The following EML5 variants were observed in gnomAD, a reference collection of about 807,000 sequenced individuals.
The protein encoded by EML5 is EMAP like 5.
A neutral mutation model predicts 250.0 loss-of-function variants in EML5; 120 were observed. The ratio of observed to expected loss-of-function variants is 0.48; its 90% CI spans 0.41 to 0.56. The LOEUF is 0.56. Ranked by LOEUF, EML5 falls within the 20% of genes least tolerant of loss-of-function variation. The pLI is 0.00. For missense variants in EML5, 2,006 were observed against 2,437.6 expected (o/e 0.82, Z 3.73); for synonymous variants, 771 against 806.5 (o/e 0.96, Z 0.75).
rs374379690 is a variant in EML5, at chr14:88,657,432, G to T, written c.3948C>A (p.Arg1316=). 28 of 1,600,988 alleles carry T rather than the reference G, an allele frequency of 1.7e-5. No homozygotes were observed. The highest frequency in any genetic ancestry group is 2.2e-5 in the Non-Finnish European group (26 of 1,172,980). The change falls in exon 27 of 44, where the codon CGC becomes CGA. Residue 1316 remains arginine (R), a synonymous_variant. Coordinates refer to ENST00000554922, the MANE Select transcript of EML5 (RefSeq NM_183387.3). ...YTIRALSTNI[R]PMLGIKPHLQ... Reference sequence around the variant, plus strand: ...AATGAGGCTTGATTCCTAACATTGGGCGAATATTTGTTGATAAGGCTCTGA... The same window carrying T: ...AATGAGGCTTGATTCCTAACATTGGTCGAATATTTGTTGATAAGGCTCTGA...
chr14:88,684,824 T>C (rs1367846689), intron 20 of EML5, among the ~76,000 whole-genome samples, 191 bp downstream of exon 20: 1 of 152,110 alleles, frequency 6.6e-6, no homozygotes, highest in Non-Finnish European at 1.5e-5. Flanking sequence ...ACAAATTTTT[T>C]CTGTATACAT....
intron 8 of EML5, among the ~76,000 whole-genome samples, chr14:88,723,489 T>A (rs1216910875): frequency 6.6e-6 from 1 of 152,146 alleles, no homozygotes; most frequent in African/African-American, 2.4e-5. Context: ...GAGTACCAAG[T>A]TTCAGTTAGA....
rs80003653 is a variant in EML5 at position 88,683,964 on chromosome 14, T to A, written c.2982+1051A>T. Among the ~76,000 whole-genome samples the A allele has an allele frequency of 4.6e-5, 7 of 152,086 alleles. No individual in the cohort carries two copies. In the South Asian group the frequency reaches 1.5e-3, roughly 32 times the overall value. The stretch of plus-strand genomic sequence containing the variant: ...GTACTGGAGGTTCTAGTCAAGACTA[T>A]TGGACAAGAAAAAGAAATAGCAGGC... On this transcript the variant is annotated intron_variant, in intron 20 of 43. Transcript: ENST00000554922.
rs1352513297 is a variant in EML5, at chr14:88,770,897, A to AT, written c.198-16227dup. Reference sequence around the variant, plus strand: ...CATCTGAAATATATGGAAAGAACAGATTTTTTTAAAGTTCTTCTTCCTATT... The same window carrying AT: ...CATCTGAAATATATGGAAAGAACAGATTTTTTTTAAAGTTCTTCTTCCTATT... On this transcript the variant is annotated intron_variant, in intron 1 of 43. Transcript: ENST00000554922. Among the ~76,000 whole-genome samples the AT allele has an allele frequency of 3.3e-5, 5 of 152,142 alleles. No homozygotes were observed. The East Asian group carries it at 5.8e-4, about 18-fold the overall frequency.
rs1718400666 is a variant in EML5 at position 88,736,627 on chromosome 14, G to C, written c.848-62C>G. On this transcript the variant is annotated intron_variant, in intron 6 of 43. Coordinates refer to ENST00000554922, the MANE Select transcript of EML5 (RefSeq NM_183387.3). ...GTAATAATGATAGCAGCAGGAGGCA[G>C]ACAAATCCCTATGCAGATAGGGGCA... 3 of 1,521,228 alleles carry C rather than the reference G, an allele frequency of 2.0e-6. No individual in the cohort carries two copies. In the South Asian group the frequency reaches 3.5e-5, roughly 18 times the overall value. 94.2% of individuals were successfully genotyped at this position (1,521,228 alleles called of 1,614,324 possible).
chr14:88,683,643 G>A (rs1420954993), intron 20 of EML5, among the ~76,000 whole-genome samples: 1 of 152,072 alleles, frequency 6.6e-6, no homozygotes, highest in East Asian at 1.9e-4. Context: ...AACCAAGTGG[G>A]ATTTATCCCA....
chr14:88,736,003 CT>C (rs11321542), intron 7 of EML5, among the ~76,000 whole-genome samples: 64,298 of 121,692 alleles, frequency 0.53, 15,840 homozygotes, highest in East Asian at 0.86. Context: ...TTTTTTCTTT[CT>C]TTTTTTTTTT....
At chr14:88,749,131 T>A (rs2094052832) in intron 2 of EML5, among the ~76,000 whole-genome samples, 1 of 151,986 alleles carries the variant, frequency 6.6e-6, no homozygotes, top group Admixed American at 6.6e-5. Flanking sequence ...ACAAGACACA[T>A]GGCAAACAAA....
intron 21 of EML5, among the ~76,000 whole-genome samples, chr14:88,679,205 C>CT (rs1214767230): frequency 6.7e-6 from 1 of 150,004 alleles, no homozygotes; most frequent in Non-Finnish European, 1.5e-5. Context: ...TGCTAATACT[C>CT]TATTTCTAAA....
intron 7 of EML5, among the ~76,000 whole-genome samples, chr14:88,733,952 T>A (rs934035423): frequency 6.6e-6 from 1 of 151,002 alleles, no homozygotes; most frequent in Non-Finnish European, 1.5e-5. Context: ...TTCAGCTATA[T>A]GAAAAATAAC....
chr14:88,776,499 T>C (rs901139592), intron 1 of EML5, among the ~76,000 whole-genome samples: 4 of 151,886 alleles, frequency 2.6e-5, no homozygotes, highest in African/African-American at 9.7e-5. Context: ...CCAAGTCCTT[T>C]AATAGCAGAA....
chr14:88,687,773 A>AC (rs948959096), intron 18 of EML5, among the ~76,000 whole-genome samples: 11 of 151,650 alleles, frequency 7.3e-5, no homozygotes, highest in African/African-American at 1.9e-4. Flanking sequence ...AACAAAAAAA[A>AC]CACAAAACAA....
intron 6 of EML5, among the ~76,000 whole-genome samples, chr14:88,737,678 T>G (rs1416622312): frequency 6.6e-6 from 1 of 152,242 alleles, no homozygotes; most frequent in African/African-American, 2.4e-5. Flanking sequence ...ACTCACATTT[T>G]CTTCAATTGT....
chr14:88,618,256 C>G lies in EML5; in HGVS notation c.5614G>C (p.Asp1872His), dbSNP rs938631984. ...GKHLMDHAAI[D>H]RITWATWTSI... ...GTCCATGTAGCCCAAGTAATTCTGTCAATAGCGGCATGATCCATAAGATGT... is the reference window on the plus strand; with the variant it reads ...GTCCATGTAGCCCAAGTAATTCTGTGAATAGCGGCATGATCCATAAGATGT... The change falls in exon 41 of 44, where the codon GAC becomes CAC. Residue 1872 changes from aspartate (D) to histidine (H), a missense_variant. Physicochemically the swap from Asp to His is moderately conservative, Grantham distance 81. Around this residue, in one of 7 missense-constraint regions of EML5, gnomAD observed 405 missense variants for 523.3 expected, o/e 0.77. Transcript: ENST00000554922. 2 of 1,613,602 alleles carry G rather than the reference C, an allele frequency of 1.2e-6. No individual in the cohort carries two copies. Among genetic ancestry groups the G allele is most frequent in the African/African-American group, 2.7e-5 (2 of 74,894 alleles).
intron 28 of EML5, among the ~76,000 whole-genome samples, chr14:88,648,333 GAAACAAGATTCCC>G (rs2091453245): frequency 6.6e-6 from 1 of 151,920 alleles, no homozygotes; most frequent in East Asian, 1.9e-4. Flanking sequence ...TTCTTGTTTT[GAAACAAGATTCCC>G]AGAATAATAA....
At position 88,704,954 on chromosome 14, in the gene EML5, G is replaced by A; in HGVS notation, c.1957C>T (p.Leu653Phe). Residue 653 changes from leucine to phenylalanine, a missense_variant, in exon 13 of 44, where the codon CTT becomes TTT. This residue lies in a region of EML5 where 1,375 missense variants were observed against 1,590.3 expected (regional missense o/e 0.86). Transcript: ENST00000554922. ...RQVYKEDLPQ[L>F]KEQCKEKQKS... Reference sequence around the variant, plus strand: ...TGTTTCTCTTTGCACTGTTCTTTAAGCTGAGGTAGATCTTCTTTGTAAACC... The same window carrying A: ...TGTTTCTCTTTGCACTGTTCTTTAAACTGAGGTAGATCTTCTTTGTAAACC... The A allele has an allele frequency of 6.2e-7, 1 of 1,612,036 alleles. No individual in the cohort carries two copies. Among genetic ancestry groups the A allele is most frequent in the Non-Finnish European group, 8.5e-7 (1 of 1,178,918 alleles).
chr14:88,616,075 AGTT>A lies in EML5; in HGVS notation c.5897+64_5897+66del, dbSNP rs1481981600. On this transcript the variant is annotated intron_variant, in intron 43 of 43. Coordinates refer to ENST00000554922, the MANE Select transcript of EML5 (RefSeq NM_183387.3). ...TGATTTCATAAACCAAAGCTGTAGGAGTTGTTGTATTAAGTCTCTTAACTAGTA... is the reference window on the plus strand; with the variant it reads ...TGATTTCATAAACCAAAGCTGTAGGAGTTGTATTAAGTCTCTTAACTAGTA... 14 of 1,518,544 alleles carry A rather than the reference AGTT, an allele frequency of 9.2e-6. No individual in the cohort carries two copies. The African/African-American group carries it at 1.1e-4, about 12-fold the overall frequency. 94.1% of individuals were successfully genotyped at this position (1,518,544 alleles called of 1,614,324 possible).
At chr14:88,704,090 G>A (rs1454956469) in intron 13 of EML5, among the ~76,000 whole-genome samples, 1 of 152,116 alleles carries the variant, frequency 6.6e-6, no homozygotes, top group East Asian at 1.9e-4. Context: ...ATGCTGAAAT[G>A]TGATCCCCAG....
At chr14:88,721,125 C>T (rs1173409954) in intron 8 of EML5, among the ~76,000 whole-genome samples, 1 of 151,760 alleles carries the variant, frequency 6.6e-6, no homozygotes, top group Non-Finnish European at 1.5e-5. Flanking sequence ...TAAAAGAGAA[C>T]ACAAATGAAA....
Sources: gnomAD v4.1 joint callset for allele counts (sites outside exome capture counted in the v4.1 genomes callset) on GRCh38, gnomAD v4.1.1 for gene constraint, gnomAD v4.1.1 regional missense constraint, MANE v1.5 for transcripts, NCBI Gene and HGNC (gene_info 2026-07-23, HGNC 2026-07-21) for gene names.